LRRC1: variants seen among roughly 807,000 people sequenced by gnomAD.
LRRC1 encodes the protein leucine rich repeat containing 1.
LRRC1 carries 28 observed loss-of-function variants against 69.9 expected under a neutral mutation model. The ratio of observed to expected loss-of-function variants is 0.40; its 90% confidence interval spans 0.30 to 0.55. The LOEUF (loss-of-function observed/expected upper bound fraction) is 0.55. Among genes scored for constraint, LRRC1 ranks in the 20% least tolerant of loss-of-function variants. LRRC1 has a pLI of 0.47. For missense variants in LRRC1, 498 were observed against 609.0 expected (o/e 0.82, Z 1.92); for synonymous variants, 236 against 240.2 (o/e 0.98, Z 0.16).
At chr6:53,873,575 A>G (rs1766969784) in intron 2 of LRRC1, among the ~76,000 whole-genome samples, 1 of 151,960 alleles carries the variant, frequency 6.6e-6, no homozygotes, top group South Asian at 2.1e-4. Flanking sequence ...CTGGGACCAC[A>G]GGCGCGAGCC....
At chr6:53,844,298 A>C (rs1765873304) in intron 2 of LRRC1, among the ~76,000 whole-genome samples, 1 of 152,276 alleles carries the variant, frequency 6.6e-6, no homozygotes, top group South Asian at 2.1e-4. Context: ...CTGAAGAAAT[A>C]CATAGCAATT....
intron 1 of LRRC1, among the ~76,000 whole-genome samples, chr6:53,837,545 A>G (rs1765648731): frequency 6.6e-6 from 1 of 152,202 alleles, no homozygotes; most frequent in Non-Finnish European, 1.5e-5. Flanking sequence ...TAGGAGTCCC[A>G]TAGTTTTTCA....
At chr6:53,867,288 T>C (rs1050650486) in intron 2 of LRRC1, among the ~76,000 whole-genome samples, 13 of 152,086 alleles carry the variant, frequency 8.5e-5, no homozygotes, top group Non-Finnish European at 7.3e-5. Context: ...CGCTGCAGTT[T>C]TATGATCAGG....
chr6:53,917,614 CTG>C (rs1350031511), intron 11 of LRRC1, among the ~76,000 whole-genome samples: 1 of 152,108 alleles, frequency 6.6e-6, no homozygotes, highest in Admixed American at 6.5e-5. Context: ...GTTTGAGTAT[CTG>C]TGTTTTGTGC....
intron 2 of LRRC1, among the ~76,000 whole-genome samples, chr6:53,876,822 C>T (rs1470845606): frequency 3.9e-5 from 6 of 152,188 alleles, no homozygotes; most frequent in African/African-American, 7.2e-5. Flanking sequence ...GCTGCTTTCA[C>T]GGGCTGGCCT....
chr6:53,833,190 A>C (rs2127413172), intron 1 of LRRC1, among the ~76,000 whole-genome samples: 1 of 152,312 alleles, frequency 6.6e-6, no homozygotes, highest in African/African-American at 2.4e-5. Context: ...CCAGTAAAGT[A>C]ATGCTGTCCT....
At chr6:53,869,738 A>G (rs1766821271) in intron 2 of LRRC1, among the ~76,000 whole-genome samples, 1 of 120,658 alleles carries the variant, frequency 8.3e-6, no homozygotes, top group Non-Finnish European at 1.9e-5. Context: ...ATTTACCATC[A>G]TCAAACAATT....
At chr6:53,900,598 C>G (rs750135047) in intron 8 of LRRC1, among the ~76,000 whole-genome samples, 4 of 152,204 alleles carry the variant, frequency 2.6e-5, no homozygotes, top group Non-Finnish European at 4.4e-5. Flanking sequence ...GAGAAAATGA[C>G]TGACTTATTC....
intron 2 of LRRC1, among the ~76,000 whole-genome samples, chr6:53,862,850 G>A (rs781455431): frequency 1.1e-4 from 16 of 152,222 alleles, no homozygotes; most frequent in East Asian, 1.9e-4. Context: ...CTGCACACCC[G>A]GAACAACAGC....
rs1424815275 is a variant in LRRC1, at chr6:53,840,919, TGTGTGTGTGC to T, written c.160-1187_160-1178del. On this transcript the variant is annotated intron_variant, in intron 1 of 13. Coordinates refer to ENST00000370888, the MANE Select transcript of LRRC1 (RefSeq NM_018214.5). ...GTGTGTGTGTGTGTGTGTGTGTGTG[TGTGTGTGTGC>T]GTGCGCGCACATTCTCTTTCTTGCA... Among the ~76,000 whole-genome samples the T allele has an allele frequency of 2.9e-3, 427 of 145,188 alleles. 5 individuals carry two copies. Among genetic ancestry groups the T allele is most frequent in the Non-Finnish European group, 3.6e-3 (241 of 66,294 alleles).
chr6:53,840,313 C>T (rs1435131772), intron 1 of LRRC1, among the ~76,000 whole-genome samples: 1 of 152,058 alleles, frequency 6.6e-6, no homozygotes, highest in Non-Finnish European at 1.5e-5. Flanking sequence ...TGCTTTATTG[C>T]CCTCTTACTT....
chr6:53,880,019 C>T (rs138649124), intron 3 of LRRC1, among the ~76,000 whole-genome samples: 29 of 152,256 alleles, frequency 1.9e-4, no homozygotes, highest in Non-Finnish European at 1.8e-4. Flanking sequence ...AAGAAATGCA[C>T]TCTTCCCTTC....
intron 11 of LRRC1, among the ~76,000 whole-genome samples, chr6:53,918,700 A>G (rs1202922242): frequency 6.6e-6 from 1 of 152,226 alleles, no homozygotes; most frequent in Non-Finnish European, 1.5e-5. Flanking sequence ...GATTTCTGGC[A>G]GTGGTCTTTA....
chr6:53,902,769 A>G, intron 9 of LRRC1, 22 bp downstream of exon 9: 2 of 1,425,618 alleles, frequency 1.4e-6, no homozygotes, highest in East Asian at 2.3e-5. Flanking sequence ...TTGCACATAT[A>G]TCATAAAGAC....
intron 1 of LRRC1, among the ~76,000 whole-genome samples, chr6:53,799,027 C>T (rs1764388546): frequency 1.3e-5 from 2 of 152,178 alleles, no homozygotes; most frequent in African/African-American, 2.4e-5. Flanking sequence ...CCTTCAAATG[C>T]GTGTGTTTTC....
chr6:53,917,922 T>C (rs1026291796), intron 11 of LRRC1, among the ~76,000 whole-genome samples: 3 of 152,246 alleles, frequency 2.0e-5, no homozygotes, highest in African/African-American at 7.2e-5. Flanking sequence ...TGAGTTTACA[T>C]GTATGCAACA....
At position 53,875,588 on chromosome 6, in the gene LRRC1, AG is replaced by A. The variant is rs111544322; in HGVS notation, c.278-3403del. 6.2e-4 allele frequency among the ~76,000 whole-genome samples: 95 copies of A among 152,182 alleles called. 2 individuals carry two copies. Among genetic ancestry groups the A allele is most frequent in the African/African-American group, 2.1e-3 (86 of 41,528 alleles). ...TTTACAAATATTTATGTTTGTAATC[AG>A]GAAAAAAATCGTAATTTAAAAGTGC... On this transcript the variant is annotated intron_variant, in intron 2 of 13. Transcript: ENST00000370888.
intron 10 of LRRC1, among the ~76,000 whole-genome samples, chr6:53,907,556 A>C (rs2127439451): frequency 6.6e-6 from 1 of 152,222 alleles, no homozygotes; most frequent in Admixed American, 6.5e-5. Context: ...TTGTTTTCTT[A>C]ATTGTTAGCT....
chr6:53,805,365 G>C (rs575921985), intron 1 of LRRC1, among the ~76,000 whole-genome samples: 1 of 152,124 alleles, frequency 6.6e-6, no homozygotes, highest in Non-Finnish European at 1.5e-5. Flanking sequence ...TCTTACTCTG[G>C]GTTGACTCGG....
Sources: allele counts gnomAD v4.1 joint callset (sites outside exome capture counted in the v4.1 genomes callset), GRCh38; gene constraint gnomAD v4.1.1; transcripts MANE v1.5; gene names NCBI Gene and HGNC (gene_info 2026-07-23, HGNC 2026-07-21).